NBPF8: variants seen among roughly 807,000 people sequenced by gnomAD.
NBPF8 encodes the protein NBPF family member NBPF8.
At chr1:120,433,573 G>A (rs1217130584), upstream of NBPF8, 2 of 159,600 alleles carry the variant, frequency 1.3e-5, no homozygotes, top group Non-Finnish European at 2.9e-5. Context: ...AATGACTCCT[G>A]AAATTAAAAT....
At chr1:120,456,904 G>A (rs1488287356) in intron 16 of NBPF8, among the ~76,000 whole-genome samples, 2,992 of 145,400 alleles carry the variant, frequency 0.021, 9 homozygotes, top group African/African-American at 0.032. Flanking sequence ...GCTGGTACCG[G>A]TTGTTCCTTT....
At chr1:120,433,013 A>C (rs1660927895), upstream of NBPF8, 2 of 152,240 alleles carry the variant, frequency 1.3e-5, no homozygotes, top group Admixed American at 6.5e-5. Flanking sequence ...TACATGCTTA[A>C]CAATACATGC....
chr1:120,461,064 GTC>G (rs1333094392), intron 18 of NBPF8, among the ~76,000 whole-genome samples, 188 bp from the exon 17 acceptor site: 1 of 131,882 alleles, frequency 7.6e-6, no homozygotes, highest in Admixed American at 7.9e-5. Flanking sequence ...GTGTGTGTGT[GTC>G]TTTCTCTTTC....
In NBPF8 at chr1:120,420,337, C is replaced by T. The variant is rs1181355950; in HGVS notation, n.269+219C>T. ...CTGTTGTCAGGTGGAAGTGATTTTA[C>T]TTCAGGAGAGGACAGTGTTCTCTCC... On this transcript the variant is annotated intron_variant and non_coding_transcript_variant, in intron 1 of 28. Transcript: ENST00000652355. Among the ~76,000 whole-genome samples the T allele has an allele frequency of 1.1e-4, 16 of 149,798 alleles. No homozygotes were observed. The East Asian group carries it at 2.1e-3, about 20-fold the overall frequency.
upstream of NBPF8, among the ~76,000 whole-genome samples, chr1:120,434,643 T>C (rs1661022986): frequency 6.6e-6 from 1 of 151,522 alleles, no homozygotes; most frequent in Admixed American, 6.6e-5. Context: ...CAGACACCAA[T>C]GCCCTTCATT....
At chr1:120,449,648 A>G (rs1164541461) in intron 11 of NBPF8, among the ~76,000 whole-genome samples, 1 of 152,210 alleles carries the variant, frequency 6.6e-6, no homozygotes, top group Non-Finnish European at 1.5e-5. Context: ...GATTTCTGAC[A>G]CAGGCACAGA....
chr1:120,421,347 TTTCCTTCC>T (rs1193735219), intron 1 of NBPF8, among the ~76,000 whole-genome samples: 6 of 152,074 alleles, frequency 3.9e-5, no homozygotes, highest in Admixed American at 2.0e-4. Flanking sequence ...AGTTTGTTCA[TTTCCTTCC>T]TTCCTTCCTT....
intron 13 of NBPF8, among the ~76,000 whole-genome samples, chr1:120,452,822 G>T (rs1553249115): frequency 2.3e-4 from 35 of 151,436 alleles, no homozygotes; most frequent in East Asian, 1.5e-3. Flanking sequence ...TGAGATGAAG[G>T]CCCTCGCCGT....
intron 23 of NBPF8, 54 bp downstream of exon 21, chr1:120,464,602 A>G: frequency 1.3e-6 from 1 of 796,308 alleles, no homozygotes; most frequent in East Asian, 2.4e-5. Context: ...CCATATAAAG[A>G]TCATGTTCCT....
intron 16 of NBPF8, among the ~76,000 whole-genome samples, chr1:120,456,396 T>C (rs1661437211): frequency 6.8e-6 from 1 of 147,472 alleles, no homozygotes; most frequent in Non-Finnish European, 1.5e-5. Context: ...TTGTGTGGAG[T>C]CTAAATCTCT....
upstream of NBPF8, among the ~76,000 whole-genome samples, chr1:120,416,873 G>T (rs1202620146): frequency 4.1e-5 from 6 of 148,112 alleles, no homozygotes; most frequent in Non-Finnish European, 6.0e-5. Context: ...TTCTAGTAGG[G>T]GTGCAGTAAT....
exon 1 of NBPF8, chr1:120,436,682 C>G (rs1314838288): frequency 1.0e-5 from 15 of 1,448,106 alleles, no homozygotes; most frequent in Non-Finnish European, 1.4e-5. Context: ...CCTGGCCAAC[C>G]GACAGAAGAA....
chr1:120,461,334 G>A lies in NBPF8; in HGVS notation n.2917G>A. 6 of 1,008,562 alleles carry A rather than the reference G, an allele frequency of 5.9e-6. 1 individual carries two copies. Among genetic ancestry groups the A allele is most frequent in the South Asian group, 1.3e-5 (1 of 77,774 alleles). The allele number at this position is 1,008,562 out of a possible 1,614,324, so 62.5% of individuals were successfully genotyped here. On this transcript the variant is annotated non_coding_transcript_exon_variant, in exon 19 of 25. Coordinates refer to ENST00000583271, the Ensembl canonical transcript of NBPF8. Reference sequence around the variant, plus strand: ...GATAGATGTTATTCAACTCCTTCAGGTTGCCTTGAACTGACTGACTCATGC... The same window carrying A: ...GATAGATGTTATTCAACTCCTTCAGATTGCCTTGAACTGACTGACTCATGC...
exon 24 of NBPF8, chr1:120,465,266 T>C (rs1661710031): frequency 6.6e-6 from 4 of 607,746 alleles, no homozygotes; most frequent in Non-Finnish European, 1.2e-5. Flanking sequence ...ATTGCAGAAA[T>C]TGAAAAGAAG....
chr1:120,467,527 C>T lies in NBPF8; in HGVS notation n.5118C>T, dbSNP rs1443354470. The T allele has an allele frequency of 5.8e-5, 6 of 104,162 alleles. 1 individual carries two copies. Among genetic ancestry groups the T allele is most frequent in the African/African-American group, 2.2e-4 (6 of 26,858 alleles). 6.5% of individuals were successfully genotyped at this position (104,162 alleles called of 1,614,324 possible). ...AAATATCCTGTATTCTAATGATCAT[C>T]CTCTAAACATTTTATCATTTATTAA... On this transcript the variant is annotated non_coding_transcript_exon_variant, in exon 25 of 25. Coordinates refer to ENST00000583271, the Ensembl canonical transcript of NBPF8.
At chr1:120,436,284 G>A (rs1284481010), upstream of NBPF8, 19 of 991,028 alleles carry the variant, frequency 1.9e-5, no homozygotes, top group Non-Finnish European at 2.7e-5. Context: ...CAGAGTCTGA[G>A]CTACTGGCAG....
intron 3 of NBPF8, among the ~76,000 whole-genome samples, chr1:120,430,640 C>T: frequency 6.9e-6 from 1 of 145,778 alleles, no homozygotes; most frequent in East Asian, 2.0e-4. Context: ...TGTAGTCCAG[C>T]TACTTGGGAG....
upstream of NBPF8, among the ~76,000 whole-genome samples, chr1:120,415,952 C>A (rs1660426753): frequency 1.3e-5 from 2 of 152,156 alleles, no homozygotes; most frequent in African/African-American, 4.8e-5. Flanking sequence ...AGACGTTTGG[C>A]GTGGTTTTCT....
upstream of NBPF8, among the ~76,000 whole-genome samples, chr1:120,416,790 G>T (rs1217710562): frequency 6.6e-6 from 1 of 151,832 alleles, no homozygotes; most frequent in Non-Finnish European, 1.5e-5. Context: ...CAAAGTGGTT[G>T]TACCATTTAG....
Sources: allele counts gnomAD v4.1 joint callset (sites outside exome capture counted in the v4.1 genomes callset), GRCh38; gene constraint gnomAD v4.1.1; transcripts MANE v1.5; gene names NCBI Gene and HGNC (gene_info 2026-07-23, HGNC 2026-07-21).